The following CSMD1 variants were observed in gnomAD, a reference collection of about 807,000 sequenced individuals.
CSMD1 encodes CUB and Sushi multiple domains 1, also known as CUB and sushi domain-containing protein 1.
Under a neutral mutation model 417.5 loss-of-function variants are expected in CSMD1, and 213 were observed. That is an observed-to-expected ratio of 0.51 (90% CI 0.46 to 0.57). CSMD1 has a LOEUF of 0.57. CSMD1 is among the 20% of genes least tolerant of loss of function. The pLI is 0.00. For missense variants in CSMD1, 6,923 were observed against 4,529.7 expected (o/e 1.53, Z -15.17); for synonymous variants, 2,862 against 1,736.8 (o/e 1.65, Z -16.11).
intron 2 of CSMD1, among the ~76,000 whole-genome samples, chr8:4,508,941 G>C (rs1802677589): frequency 6.6e-6 from 1 of 152,116 alleles, no homozygotes; most frequent in African/African-American, 2.4e-5. Flanking sequence ...CACAGGACAG[G>C]TCCAATGTGA....
intron 54 of CSMD1, among the ~76,000 whole-genome samples, chr8:2,990,303 G>A (rs1367982278): frequency 1.3e-5 from 2 of 152,276 alleles, no homozygotes; most frequent in East Asian, 1.9e-4. Flanking sequence ...ATTCCTCTGA[G>A]AACTGAATGA....
At chr8:3,977,874 A>G (rs1458945587) in intron 5 of CSMD1, among the ~76,000 whole-genome samples, 1 of 152,240 alleles carries the variant, frequency 6.6e-6, no homozygotes, top group Non-Finnish European at 1.5e-5. Context: ...CTGAGAATAA[A>G]TTTAATAAAC....
At chr8:3,928,290 T>C (rs1294712106) in intron 5 of CSMD1, among the ~76,000 whole-genome samples, 1 of 152,232 alleles carries the variant, frequency 6.6e-6, no homozygotes, top group Non-Finnish European at 1.5e-5. Flanking sequence ...GTTACATTGA[T>C]TATTCAACTT....
Position 4,898,044 on chromosome 8 carries a change from GA to G in CSMD1, c.85+96287del, listed in dbSNP as rs1563706395. On this transcript the variant is annotated intron_variant, in intron 1 of 69. Transcript: ENST00000635120. ...CAGTTTATAAAACAAGAAAATTAAA[GA>G]AAATTTGGTTTTATTAGTTGGAAAT... Among the ~76,000 whole-genome samples the G allele has an allele frequency of 2.0e-5, 3 of 152,078 alleles. No homozygotes were observed. The South Asian group carries it at 6.2e-4, about 31-fold the overall frequency.
rs1021386844 is a variant in CSMD1 at position 3,758,395 on chromosome 8, G to C, written c.819-4353C>G. On this transcript the variant is annotated intron_variant, in intron 5 of 69. Coordinates refer to ENST00000635120, the MANE Select transcript of CSMD1 (RefSeq NM_033225.6). ...TTTTTGTACATGAATTTCCTGATTT[G>C]ACCTTTTGCGTTAAACAAATGTTCA... Among the ~76,000 whole-genome samples the C allele has an allele frequency of 8.5e-5, 13 of 152,272 alleles. No homozygotes were observed. The South Asian group carries it at 1.2e-3, about 15-fold the overall frequency.
intron 1 of CSMD1, among the ~76,000 whole-genome samples, chr8:4,836,405 T>C (rs1052100243): frequency 6.6e-6 from 1 of 152,156 alleles, no homozygotes; most frequent in Non-Finnish European, 1.5e-5. Context: ...TCAGCTGGGA[T>C]TGTTATCACC....
At chr8:4,509,581 G>C (rs973463037) in intron 2 of CSMD1, among the ~76,000 whole-genome samples, 15 of 152,142 alleles carry the variant, frequency 9.9e-5, no homozygotes, top group African/African-American at 3.4e-4. Flanking sequence ...CAGTCCTGCA[G>C]AGCGAAAGCA....
Position 2,942,602 on chromosome 8 carries a change from G to C in CSMD1, c.10405C>G (p.Pro3469Ala), listed in dbSNP as rs375524577. 1.3e-3 allele frequency: 2,034 copies of C among 1,567,484 alleles called. 45 individuals carry two copies. The South Asian group carries it at 0.022, about 17-fold the overall frequency. ...FGKFKLERQD[P>A]LNPDQDSSSH... is the part of the protein sequence containing the mutation. ...GAAGAGTCTTGATCTGGGTTTAAAG[G>C]ATCTGTAAGATAAAGGAAATATTAA... The change falls in exon 69 of 70, where the codon CCT (proline) becomes GCT (alanine). Residue 3469 changes from proline to alanine, a missense_variant and splice_region_variant. Physicochemically the swap from Pro to Ala is conservative, Grantham distance 27. Coordinates refer to ENST00000635120, the MANE Select transcript of CSMD1 (RefSeq NM_033225.6).
At chr8:3,535,146 G>A (rs1342793795) in intron 10 of CSMD1, among the ~76,000 whole-genome samples, 3 of 152,030 alleles carry the variant, frequency 2.0e-5, no homozygotes, top group East Asian at 1.9e-4. Context: ...TAGAGACAGG[G>A]TCTCACCATG....
intron 23 of CSMD1, among the ~76,000 whole-genome samples, chr8:3,340,426 C>T (rs1807571571): frequency 6.6e-6 from 1 of 152,076 alleles, no homozygotes; most frequent in Admixed American, 6.6e-5. Flanking sequence ...TCTCTGTTGA[C>T]ATTTTCTAAT....
In CSMD1 at chr8:4,083,177, G is replaced by A. The variant is rs1470216963; in HGVS notation, c.416-51078C>T. 2.0e-5 allele frequency among the ~76,000 whole-genome samples: 3 copies of A among 152,078 alleles called. No individual in the cohort carries two copies. In the South Asian group the frequency reaches 6.2e-4, roughly 32 times the overall value. On this transcript the variant is annotated intron_variant, in intron 3 of 69. Coordinates refer to ENST00000635120, the MANE Select transcript of CSMD1 (RefSeq NM_033225.6). ...ATGGTATTTCTGGTTCTAGATCCCT[G>A]AGGAATTGCCACACTGACTTCCACA...
intron 3 of CSMD1, among the ~76,000 whole-genome samples, chr8:4,392,311 T>C (rs1585004188): frequency 6.6e-6 from 1 of 152,066 alleles, no homozygotes; most frequent in Admixed American, 6.6e-5. Flanking sequence ...AAGCGGCAGG[T>C]TTTACCATGG....
At chr8:4,713,690 G>T (rs966052006) in intron 1 of CSMD1, among the ~76,000 whole-genome samples, 1 of 152,146 alleles carries the variant, frequency 6.6e-6, no homozygotes, top group Admixed American at 6.5e-5. Flanking sequence ...AGCTCCAGCT[G>T]CTCGCCACTG....
At chr8:3,392,812 T>G (rs1456636374) in intron 17 of CSMD1, among the ~76,000 whole-genome samples, 1 of 152,106 alleles carries the variant, frequency 6.6e-6, no homozygotes, top group Non-Finnish European at 1.5e-5. Context: ...GGACACCCTC[T>G]GAGTGGGTTG....
chr8:4,508,089 C>CA (rs3991007), intron 2 of CSMD1, among the ~76,000 whole-genome samples: 56,340 of 125,574 alleles, frequency 0.45, 11,575 homozygotes, highest in Middle Eastern at 0.55. Context: ...AAAAAAATAC[C>CA]AAAAAAAAAA....
At chr8:4,248,374 G>C (rs1474634784) in intron 3 of CSMD1, among the ~76,000 whole-genome samples, 7 of 152,130 alleles carry the variant, frequency 4.6e-5, no homozygotes, top group Non-Finnish European at 8.8e-5. Context: ...CCCTTGGTGA[G>C]TGCTGGTTTG....
chr8:2,950,152 C>T (rs1802526641), intron 67 of CSMD1, 79 bp downstream of exon 67: 2 of 935,354 alleles, frequency 2.1e-6, no homozygotes, highest in Non-Finnish European at 3.5e-6. Flanking sequence ...CAGAAGCCTC[C>T]AATCCGTAGC....
chr8:4,473,489 C>T (rs964044450), intron 2 of CSMD1, among the ~76,000 whole-genome samples: 2 of 152,154 alleles, frequency 1.3e-5, no homozygotes, highest in East Asian at 3.9e-4. Flanking sequence ...TCTGCAAATC[C>T]AAAGAACCCC....
intron 7 of CSMD1, among the ~76,000 whole-genome samples, chr8:3,694,554 T>C (rs1294926851): frequency 2.0e-5 from 3 of 151,680 alleles, no homozygotes; most frequent in African/African-American, 7.3e-5. Context: ...AGGTTCAGGT[T>C]CAGTGGAAGG....
Sources: allele counts gnomAD v4.1 joint callset (sites outside exome capture counted in the v4.1 genomes callset), GRCh38; gene constraint gnomAD v4.1.1; transcripts MANE v1.5; gene names NCBI Gene and HGNC (gene_info 2026-07-23, HGNC 2026-07-21).